Variants in EYA1 observed in about 807,000 individuals in gnomAD.
The protein encoded by EYA1 is EYA transcriptional coactivator and phosphatase 1.
A neutral mutation model predicts 82.0 loss-of-function variants in EYA1; 16 were observed. That is an observed-to-expected ratio of 0.20 (90% CI 0.13 to 0.30). The LOEUF is 0.30. Among genes scored for constraint, EYA1 ranks in the 10% least tolerant of loss-of-function variants. The probability of loss-of-function intolerance (pLI) is 1.00; values close to 1 mark genes in which losing one functional copy is unlikely to be tolerated. For synonymous variants in EYA1, 261 were observed against 264.4 expected, an observed-to-expected ratio of 0.99 and a Z score of 0.12; for missense variants, 633 against 730.7, an observed-to-expected ratio of 0.87 and a Z score of 1.54.
intron 11 of EYA1, among the ~76,000 whole-genome samples, chr8:71,254,058 A>G (rs1479198822): frequency 6.6e-6 from 1 of 152,038 alleles, no homozygotes. Context: ...TGGTTCATAA[A>G]ACTTCCAAAC....
At chr8:71,322,343 T>A in intron 4 of EYA1, 75 bp from the exon 5 acceptor site, 1 of 1,256,056 alleles carries the variant, frequency 8.0e-7, no homozygotes, top group Non-Finnish European at 1.2e-6. Flanking sequence ...AGCACTGACA[T>A]ATTTTCAACT....
At chr8:71,423,998 A>G (rs1489247771) in intron 2 of EYA1, among the ~76,000 whole-genome samples, 2 of 152,224 alleles carry the variant, frequency 1.3e-5, no homozygotes, top group African/African-American at 4.8e-5. Context: ...ATGTTAAACA[A>G]CAACTTCAAA....
At chr8:71,544,266 A>G (rs1310274077) in intron 1 of EYA1, among the ~76,000 whole-genome samples, 1 of 152,186 alleles carries the variant, frequency 6.6e-6, no homozygotes, top group Non-Finnish European at 1.5e-5. Context: ...TATACATGGC[A>G]AAGGATGTTG....
chr8:71,481,543 C>G (rs1480790860), intron 2 of EYA1, among the ~76,000 whole-genome samples: 1 of 152,100 alleles, frequency 6.6e-6, no homozygotes, highest in Non-Finnish European at 1.5e-5. Flanking sequence ...CACGCCGGGA[C>G]TATGCAAGAT....
intron 2 of EYA1, chr8:71,535,594 ACT>A: frequency 1.1e-5 from 6 of 553,626 alleles, no homozygotes; most frequent in Non-Finnish European, 1.3e-5. Context: ...ACAGTGTACT[ACT>A]TAATTCATAA....
At chr8:71,512,724 A>T (rs1368447868) in intron 2 of EYA1, among the ~76,000 whole-genome samples, 1 of 152,156 alleles carries the variant, frequency 6.6e-6, no homozygotes, top group African/African-American at 2.4e-5. Flanking sequence ...CCAAAATTTT[A>T]AAATGTAATG....
At chr8:71,346,944 C>T (rs1825804183) in intron 3 of EYA1, among the ~76,000 whole-genome samples, 1 of 152,092 alleles carries the variant, frequency 6.6e-6, no homozygotes, top group African/African-American at 2.4e-5. Context: ...ATTGCCAATC[C>T]TCCCATTAGA....
At chr8:71,290,240 T>C (rs1818850022) in intron 9 of EYA1, among the ~76,000 whole-genome samples, 1 of 152,182 alleles carries the variant, frequency 6.6e-6, no homozygotes, top group Non-Finnish European at 1.5e-5. Flanking sequence ...TTAAATTAGG[T>C]GAAGAGATGG....
chr8:71,346,826 A>C (rs965007877), intron 3 of EYA1, among the ~76,000 whole-genome samples: 1 of 152,186 alleles, frequency 6.6e-6, no homozygotes, highest in African/African-American at 2.4e-5. Flanking sequence ...ATACTTATTG[A>C]ATCTGTTAAT....
chr8:71,404,435 G>C (rs73684799), intron 2 of EYA1: 3 of 152,178 alleles, frequency 2.0e-5, no homozygotes, highest in African/African-American at 7.2e-5. Flanking sequence ...GTTAGTCCAT[G>C]AATTTTTTAG....
chr8:71,233,096 A>T (rs1811390217), intron 12 of EYA1, among the ~76,000 whole-genome samples: 2 of 152,070 alleles, frequency 1.3e-5, no homozygotes, highest in South Asian at 4.1e-4. Flanking sequence ...CATAAACAAC[A>T]CTGGGCTTTG....
chr8:71,385,117 C>A (rs1828905465), intron 2 of EYA1, among the ~76,000 whole-genome samples: 1 of 152,050 alleles, frequency 6.6e-6, no homozygotes, highest in Non-Finnish European at 1.5e-5. Context: ...TCAAGCAGTT[C>A]TCCTATCTGA....
chr8:71,230,542 C>A (rs922171303), intron 12 of EYA1, among the ~76,000 whole-genome samples: 5 of 152,154 alleles, frequency 3.3e-5, no homozygotes, highest in African/African-American at 1.2e-4. Context: ...TACCTGTCAC[C>A]CTCTCTGAAG....
intron 17 of EYA1, among the ~76,000 whole-genome samples, chr8:71,205,894 T>C (rs1466464184): frequency 6.6e-6 from 1 of 152,206 alleles, no homozygotes; most frequent in Non-Finnish European, 1.5e-5. Context: ...AGCTAAATAG[T>C]TAAAATCAAT....
chr8:71,257,013 AAT>A (rs1178827055), intron 11 of EYA1, among the ~76,000 whole-genome samples: 24 of 152,172 alleles, frequency 1.6e-4, no homozygotes, highest in African/African-American at 5.8e-4. Context: ...AAAAAAATAA[AAT>A]AAAAAATAAT....
chr8:71,539,523 A>C (rs1326290408), intron 1 of EYA1, among the ~76,000 whole-genome samples: 1 of 152,164 alleles, frequency 6.6e-6, no homozygotes, highest in African/African-American at 2.4e-5. Flanking sequence ...CCTCCCAGAC[A>C]ACAAGGAAAC....
At chr8:71,443,544 G>A (rs1002873940) in intron 2 of EYA1, among the ~76,000 whole-genome samples, 3 of 152,176 alleles carry the variant, frequency 2.0e-5, no homozygotes, top group Non-Finnish European at 2.9e-5. Flanking sequence ...GCCTCCCAAA[G>A]TGCTGGGATT....
chr8:71,435,026 A>T (rs1805899736), intron 2 of EYA1, among the ~76,000 whole-genome samples: 1 of 152,144 alleles, frequency 6.6e-6, no homozygotes, highest in Non-Finnish European at 1.5e-5. Context: ...ACTCAAAAAA[A>T]TATGCAGTTC....
intron 2 of EYA1, among the ~76,000 whole-genome samples, chr8:71,469,496 T>C (rs1563644954): frequency 1.3e-5 from 2 of 152,078 alleles, no homozygotes; most frequent in Non-Finnish European, 2.9e-5. Context: ...ACTTAGCACA[T>C]TGTAAATACC....
Sources: allele counts gnomAD v4.1 joint callset (sites outside exome capture counted in the v4.1 genomes callset), GRCh38; gene constraint gnomAD v4.1.1; transcripts MANE v1.5; gene names NCBI Gene and HGNC (gene_info 2026-07-23, HGNC 2026-07-21).